Variants in ABCG1 observed in about 807,000 individuals in gnomAD.
ABCG1 encodes the protein ATP-binding cassette sub-family G member 1.
In ABCG1, 29 loss-of-function variants were observed where a neutral mutation model predicts 69.2. The observed-to-expected ratio is 0.42, with a 90% CI of 0.31 to 0.57. The LOEUF (loss-of-function observed/expected upper bound fraction) is 0.57, where lower values mean the gene tolerates loss of function less well. Among genes scored for constraint, ABCG1 ranks in the 20% least tolerant of loss-of-function variants. The probability of loss-of-function intolerance (pLI) is 0.15; values close to 1 mark genes in which losing one functional copy is unlikely to be tolerated. For missense variants in ABCG1, 718 were observed against 898.1 expected, an observed-to-expected ratio of 0.80 and a Z score of 2.56; for synonymous variants, 370 against 374.8, an observed-to-expected ratio of 0.99 and a Z score of 0.15.
At position 42,296,367 on chromosome 21, in the gene ABCG1, G is replaced by C; in HGVS notation, c.1976G>C (p.Arg659Thr). The C allele has an allele frequency of 6.2e-7, 1 of 1,613,942 alleles. No individual in the cohort carries two copies. Among genetic ancestry groups the C allele is most frequent in the Non-Finnish European group, 8.5e-7 (1 of 1,179,990 alleles). ...SLRLIAYFVL[R>T]YKIRAER ...CGCCTCATTGCCTATTTTGTCCTCAGGTACAAAATCCGGGCAGAGAGGTAA... is the reference window on the plus strand; with the variant it reads ...CGCCTCATTGCCTATTTTGTCCTCACGTACAAAATCCGGGCAGAGAGGTAA... The change falls in exon 15 of 15, where the codon AGG becomes ACG. Residue 659 changes from arginine (R) to threonine (T), a missense_variant. Around this residue, in one of 2 missense-constraint regions of ABCG1, gnomAD observed 204 missense variants for 323.8 expected, o/e 0.63. Coordinates refer to ENST00000398449, the MANE Select transcript of ABCG1 (RefSeq NM_016818.3). This position sits in a 1 kb window ranked among gnomAD's most constrained non-coding sequence, Gnocchi z 5.4.
At chr21:42,246,416 A>G (rs902102013) in intron 2 of ABCG1, among the ~76,000 whole-genome samples, 2 of 152,232 alleles carry the variant, frequency 1.3e-5, no homozygotes, top group African/African-American at 4.8e-5. Flanking sequence ...ATCTCAGTCC[A>G]TGTGCAAAAA....
chr21:42,244,104 C>T (rs1207105741), intron 2 of ABCG1, among the ~76,000 whole-genome samples: 1 of 152,170 alleles, frequency 6.6e-6, no homozygotes. Context: ...CAGGCGTGAG[C>T]CCCCACGCCC....
At chr21:42,261,209 C>G (rs1404250709) in intron 2 of ABCG1, among the ~76,000 whole-genome samples, 1 of 151,560 alleles carries the variant, frequency 6.6e-6, no homozygotes, top group South Asian at 2.1e-4. Flanking sequence ...CTCCACCACC[C>G]CCCCTCTCCC....
chr21:42,260,765 C>G (rs913204003), intron 2 of ABCG1, among the ~76,000 whole-genome samples: 1 of 152,144 alleles, frequency 6.6e-6, no homozygotes, highest in African/African-American at 2.4e-5. Context: ...CACCTCTGTT[C>G]CCCCATGAGC....
intron 2 of ABCG1, among the ~76,000 whole-genome samples, chr21:42,228,777 TC>T (rs777993654): frequency 4.6e-5 from 7 of 152,200 alleles, no homozygotes; most frequent in Non-Finnish European, 1.0e-4. Context: ...GAAGAGTTTT[TC>T]CTGCCAAAGG....
chr21:42,250,257 G>A (rs11702801), intron 2 of ABCG1, among the ~76,000 whole-genome samples: 2 of 152,136 alleles, frequency 1.3e-5, no homozygotes, highest in African/African-American at 4.8e-5. Context: ...TTGAAGCCAT[G>A]TTCCCAGGGG....
chr21:42,284,328 T>C (rs939774630), intron 6 of ABCG1, among the ~76,000 whole-genome samples: 1 of 150,596 alleles, frequency 6.6e-6, no homozygotes, highest in African/African-American at 2.5e-5. Context: ...CTCGCTGGGG[T>C]CCCTCCGTTC....
At chr21:42,256,712 G>T in intron 2 of ABCG1, 11 of 1,417,114 alleles carry the variant, frequency 7.8e-6, no homozygotes, top group Non-Finnish European at 9.2e-6. Flanking sequence ...GAGGGATCTG[G>T]GAGCATTGCA....
chr21:42,220,086 C>T (rs2067699725), intron 1 of ABCG1: 1 of 1,523,822 alleles, frequency 6.6e-7, no homozygotes, highest in East Asian at 2.5e-5. Context: ...ATCTCCCTTT[C>T]TGGTTTTCTG....
chr21:42,213,277 T>A (rs2067607315), upstream of ABCG1, among the ~76,000 whole-genome samples: 1 of 152,044 alleles, frequency 6.6e-6, no homozygotes, highest in Admixed American at 6.5e-5. Flanking sequence ...GTGCCTGGAG[T>A]GCCTGCAGGA....
chr21:42,222,071 G>T (rs2067736741), intron 1 of ABCG1, among the ~76,000 whole-genome samples: 2 of 152,308 alleles, frequency 1.3e-5, no homozygotes, highest in East Asian at 3.9e-4. Flanking sequence ...AATGTATTGT[G>T]CAGCACAAAT....
At chr21:42,244,387 C>G (rs1313437970) in intron 2 of ABCG1, among the ~76,000 whole-genome samples, 1 of 152,164 alleles carries the variant, frequency 6.6e-6, no homozygotes, top group African/African-American at 2.4e-5. Flanking sequence ...AGAAGAAGGT[C>G]GGCCATTTCC....
At chr21:42,220,392 G>A (rs554541441) in intron 1 of ABCG1, among the ~76,000 whole-genome samples, 1 of 151,840 alleles carries the variant, frequency 6.6e-6, no homozygotes, top group East Asian at 1.9e-4. Flanking sequence ...GGATTTGACC[G>A]ACAGTTACCT....
chr21:42,263,869 A>ACGGC (rs2068455495), intron 2 of ABCG1, among the ~76,000 whole-genome samples: 1 of 152,236 alleles, frequency 6.6e-6, no homozygotes, highest in Non-Finnish European at 1.5e-5. Context: ...CGACAAGGCC[A>ACGGC]CGGCGTTGCC....
intron 2 of ABCG1, among the ~76,000 whole-genome samples, chr21:42,204,636 C>A (rs914683305): frequency 3.9e-5 from 6 of 152,072 alleles, no homozygotes; most frequent in African/African-American, 1.4e-4. Context: ...CTGACTCTGT[C>A]TGCTAGTATT....
intron 1 of ABCG1, among the ~76,000 whole-genome samples, chr21:42,223,446 T>C (rs2067763195): frequency 6.6e-6 from 1 of 151,900 alleles, no homozygotes; most frequent in Non-Finnish European, 1.5e-5. Context: ...TTCCTCAAAA[T>C]GAAAGAAGCA....
chr21:42,263,398 A>C (rs2068446081), intron 2 of ABCG1, among the ~76,000 whole-genome samples: 1 of 152,210 alleles, frequency 6.6e-6, no homozygotes, highest in African/African-American at 2.4e-5. Context: ...ATTTAAAAGT[A>C]GTTAGCCCTG....
At chr21:42,251,206 G>A (rs2068215677) in intron 2 of ABCG1, among the ~76,000 whole-genome samples, 1 of 152,146 alleles carries the variant, frequency 6.6e-6, no homozygotes, top group Admixed American at 6.5e-5. Flanking sequence ...TGATGAGTCT[G>A]CAAATTGAAC....
At chr21:42,201,293 T>C (rs2067504095) in intron 1 of ABCG1, among the ~76,000 whole-genome samples, 1 of 152,096 alleles carries the variant, frequency 6.6e-6, no homozygotes, top group Non-Finnish European at 1.5e-5. Flanking sequence ...AGATTTAGAT[T>C]CTCATTAGAA....
Sources: gnomAD v4.1 joint callset for allele counts (sites outside exome capture counted in the v4.1 genomes callset) on GRCh38, gnomAD v4.1.1 for gene constraint, gnomAD v4.1.1 regional missense constraint, Gnocchi (gnomAD v3.1) non-coding constraint, MANE v1.5 for transcripts, NCBI Gene and HGNC (gene_info 2026-07-23, HGNC 2026-07-21) for gene names.